The following AAMDC variants were observed in gnomAD, a reference collection of about 807,000 sequenced individuals.
The protein encoded by AAMDC is adipogenesis associated Mth938 domain containing, also known as mth938 domain-containing protein.
Under a neutral mutation model 15.5 loss-of-function variants are expected in AAMDC, and 16 were observed. That is an observed-to-expected ratio of 1.03 (90% CI 0.70 to 1.57). The LOEUF is 1.57. Among genes scored for constraint, AAMDC ranks in the 40% most tolerant of loss-of-function variants. The pLI is 0.00. For synonymous variants in AAMDC, 51 were observed against 51.6 expected, an observed-to-expected ratio of 0.99 and a Z score of 0.05; for missense variants, 141 against 144.9, an observed-to-expected ratio of 0.97 and a Z score of 0.14.
At chr11:77,846,436 TG>T (rs1221388538) in intron 2 of AAMDC, among the ~76,000 whole-genome samples, 1 of 152,226 alleles carries the variant, frequency 6.6e-6, no homozygotes, top group Non-Finnish European at 1.5e-5. Flanking sequence ...CTGGCCAACA[TG>T]GTGAAACCCC....
chr11:77,855,720 C>CTTTTTT (rs374235923), intron 2 of AAMDC, among the ~76,000 whole-genome samples: 3 of 127,972 alleles, frequency 2.3e-5, no homozygotes, highest in Admixed American at 1.7e-4. Context: ...AGTTTTATGT[C>CTTTTTT]TTTTTTTTTT....
intron 1 of AAMDC, among the ~76,000 whole-genome samples, chr11:77,832,622 G>A (rs776346243): frequency 5.3e-5 from 8 of 151,856 alleles, no homozygotes; most frequent in Non-Finnish European, 1.2e-4. Context: ...CACCGCGCCT[G>A]GCCATAGAGG....
intron 5 of AAMDC, among the ~76,000 whole-genome samples, chr11:77,900,244 T>C (rs763083657): frequency 5.3e-5 from 8 of 152,068 alleles, no homozygotes; most frequent in East Asian, 3.9e-4. Context: ...GGACTACTGG[T>C]GCATGCCACC....
chr11:77,854,961 C>T (rs549189623), intron 2 of AAMDC, among the ~76,000 whole-genome samples: 1 of 152,242 alleles, frequency 6.6e-6, no homozygotes, highest in African/African-American at 2.4e-5. Context: ...AATTGTCACA[C>T]TCTGTGCACC....
At chr11:77,854,823 C>A (rs569107995) in intron 2 of AAMDC, among the ~76,000 whole-genome samples, 4 of 152,196 alleles carry the variant, frequency 2.6e-5, no homozygotes, top group Non-Finnish European at 4.4e-5. Context: ...GCTCCAACCC[C>A]ACATTTGCCC....
At chr11:77,858,418 C>T (rs909582754) in intron 2 of AAMDC, among the ~76,000 whole-genome samples, 1 of 149,136 alleles carries the variant, frequency 6.7e-6, no homozygotes, top group African/African-American at 2.5e-5. Context: ...CGAATGCCTG[C>T]TGTGCTCTCA....
chr11:77,830,795 G>C (rs1465335029), intron 1 of AAMDC, among the ~76,000 whole-genome samples: 1 of 151,830 alleles, frequency 6.6e-6, no homozygotes, highest in East Asian at 1.9e-4. Flanking sequence ...CAAATGAAAA[G>C]ATACTCAACA....
chr11:77,884,023 G>C (rs1951893492), intron 5 of AAMDC: 2 of 1,494,088 alleles, frequency 1.3e-6, no homozygotes, highest in Admixed American at 3.6e-5. Flanking sequence ...GATGACATCT[G>C]TTGTGAACCT....
chr11:77,887,984 A>G (rs1243171488), intron 5 of AAMDC, among the ~76,000 whole-genome samples: 3 of 152,266 alleles, frequency 2.0e-5, no homozygotes, highest in African/African-American at 7.2e-5. Context: ...ATATTGTGAA[A>G]ATGGCCATAC....
chr11:77,866,885 G>A (rs1244023634), intron 2 of AAMDC, among the ~76,000 whole-genome samples: 1 of 151,332 alleles, frequency 6.6e-6, no homozygotes, highest in East Asian at 1.9e-4. Flanking sequence ...TTGTTGCCCA[G>A]GCTGGAGTGT....
At chr11:77,832,540 G>A (rs1387429629) in intron 1 of AAMDC, among the ~76,000 whole-genome samples, 1 of 151,888 alleles carries the variant, frequency 6.6e-6, no homozygotes, top group African/African-American at 2.4e-5. Context: ...TGGTCAGGCT[G>A]GTCTGAAACT....
chr11:77,856,261 A>G (rs1351822459), intron 2 of AAMDC, among the ~76,000 whole-genome samples: 2 of 152,198 alleles, frequency 1.3e-5, no homozygotes, highest in East Asian at 3.8e-4. Flanking sequence ...CTAGTTGCCA[A>G]TAAGTTCCTC....
intron 2 of AAMDC, among the ~76,000 whole-genome samples, chr11:77,847,390 T>C (rs1565203806): frequency 6.6e-6 from 1 of 152,222 alleles, no homozygotes; most frequent in Non-Finnish European, 1.5e-5. Flanking sequence ...CAGTTATGCC[T>C]ACAAAATTAG....
At chr11:77,888,821 A>G (rs936240395) in intron 5 of AAMDC, among the ~76,000 whole-genome samples, 1 of 152,242 alleles carries the variant, frequency 6.6e-6, no homozygotes, top group African/African-American at 2.4e-5. Flanking sequence ...AACATATGAA[A>G]AAATGCTCAT....
At chr11:77,896,652 CAAAA>C (rs58549095) in intron 5 of AAMDC, among the ~76,000 whole-genome samples, 3 of 70,704 alleles carry the variant, frequency 4.2e-5, no homozygotes, top group African/African-American at 4.5e-5. Context: ...AACTCCGTCT[CAAAA>C]AAAAAAAAAA....
chr11:77,900,976 G>A (rs1430584580), downstream of AAMDC, among the ~76,000 whole-genome samples: 1 of 152,162 alleles, frequency 6.6e-6, no homozygotes, highest in African/African-American at 2.4e-5. Context: ...CAAACAACTA[G>A]TAAGTAGAAA....
chr11:77,857,382 G>A (rs996877942), intron 2 of AAMDC, among the ~76,000 whole-genome samples: 1 of 152,122 alleles, frequency 6.6e-6, no homozygotes, highest in Non-Finnish European at 1.5e-5. Flanking sequence ...TAGAAGTGTA[G>A]GAGAAAATGC....
intron 2 of AAMDC, among the ~76,000 whole-genome samples, chr11:77,868,204 C>T (rs181906942): frequency 1.3e-5 from 2 of 150,880 alleles, no homozygotes; most frequent in Non-Finnish European, 3.0e-5. Context: ...TACAGGCACC[C>T]GCTACCTGGC....
At chr11:77,891,318 C>T in intron 5 of AAMDC, 2 of 1,609,626 alleles carry the variant, frequency 1.2e-6, no homozygotes, top group East Asian at 2.2e-5. Flanking sequence ...ACCCGACAGA[C>T]CTGGACCTTA....
Sources: allele counts gnomAD v4.1 joint callset (sites outside exome capture counted in the v4.1 genomes callset), GRCh38; gene constraint gnomAD v4.1.1; transcripts MANE v1.5; gene names NCBI Gene and HGNC (gene_info 2026-07-23, HGNC 2026-07-21).